Variants in SOS2 observed in about 807,000 individuals in gnomAD.
SOS2 encodes son of sevenless homolog 2.
A neutral mutation model predicts 148.2 loss-of-function variants in SOS2; 65 were observed. The ratio of observed to expected loss-of-function variants is 0.44; its 90% CI spans 0.36 to 0.54. The LOEUF is 0.54. Ranked by LOEUF, SOS2 falls within the 20% of genes least tolerant of loss-of-function variation. The probability of loss-of-function intolerance (pLI) is 0.00; values close to 1 mark genes in which losing one functional copy is unlikely to be tolerated. For missense variants in SOS2, 1,341 were observed against 1,590.2 expected, an observed-to-expected ratio of 0.84 and a Z score of 2.67; for synonymous variants, 539 against 537.1, an observed-to-expected ratio of 1.00 and a Z score of -0.05.
At chr14:50,195,590 C>T (rs1463228002) in intron 4 of SOS2, among the ~76,000 whole-genome samples, 1 of 152,096 alleles carries the variant, frequency 6.6e-6, no homozygotes, top group Non-Finnish European at 1.5e-5. Context: ...AGCAAGACCC[C>T]ATTCCTACAA....
Position 50,174,486 on chromosome 14 carries a change from A to G in SOS2, c.1036T>C (p.Tyr346His), listed in dbSNP as rs898413327. Residue 346 changes from tyrosine to histidine, a missense_variant, in exon 8 of 23, where the codon TAT becomes CAT. Coordinates refer to ENST00000216373, the MANE Select transcript of SOS2 (RefSeq NM_006939.4). Reference sequence around the variant, plus strand: ...AACTCAAAGTAGTGCCAACAGTGATACACTGGCACCAGCATAAGACGTGGA... The same window carrying G: ...AACTCAAAGTAGTGCCAACAGTGATGCACTGGCACCAGCATAAGACGTGGA... ...VLPRLMLVPV[Y>H]HCWHYFELLK... 4 of 1,609,420 alleles carry G rather than the reference A, an allele frequency of 2.5e-6. No individual in the cohort carries two copies. Among genetic ancestry groups the G allele is most frequent in the Admixed American group, 3.3e-5 (2 of 59,870 alleles).
intron 16 of SOS2, among the ~76,000 whole-genome samples, chr14:50,140,340 G>A (rs577460521): frequency 6.6e-6 from 1 of 152,284 alleles, no homozygotes; most frequent in East Asian, 1.9e-4. Flanking sequence ...AGGGTTTCAA[G>A]TCATAGCTGT....
At chr14:50,143,480 C>T (rs1884364191) in intron 16 of SOS2, among the ~76,000 whole-genome samples, 1 of 152,120 alleles carries the variant, frequency 6.6e-6, no homozygotes, top group Non-Finnish European at 1.5e-5. Context: ...CTCTGTTGCC[C>T]AGGCTAGAGT....
At chr14:50,186,969 T>C (rs768472383) in intron 5 of SOS2, among the ~76,000 whole-genome samples, 1 of 152,224 alleles carries the variant, frequency 6.6e-6, no homozygotes. Context: ...GATGTAGTTA[T>C]TTTGTGGAGG....
chr14:50,156,901 TTTGTG>T, intron 12 of SOS2, 93 bp downstream of exon 12: 1 of 643,510 alleles, frequency 1.6e-6, no homozygotes, highest in Non-Finnish European at 2.4e-6. Context: ...GCTGAGAGCT[TTTGTG>T]TTAACTATAT....
upstream of SOS2, among the ~76,000 whole-genome samples, chr14:50,231,799 G>C (rs889443637): frequency 6.6e-6 from 1 of 152,154 alleles, no homozygotes; most frequent in African/African-American, 2.4e-5. Flanking sequence ...GGACCGACCC[G>C]GAGTGCGCGT....
At chr14:50,205,060 G>T (rs907703761) in intron 1 of SOS2, among the ~76,000 whole-genome samples, 1 of 151,808 alleles carries the variant, frequency 6.6e-6, no homozygotes, top group Admixed American at 6.6e-5. Flanking sequence ...TTTGTTGAAA[G>T]AAATTTAAAA....
chr14:50,174,765 T>G (rs1397353900), intron 7 of SOS2, among the ~76,000 whole-genome samples: 1 of 152,242 alleles, frequency 6.6e-6, no homozygotes, highest in Admixed American at 6.5e-5. Flanking sequence ...ACATTAATTT[T>G]CTTTTATGTG....
intron 19 of SOS2, among the ~76,000 whole-genome samples, chr14:50,132,741 T>G (rs1044422501): frequency 1.3e-5 from 2 of 152,104 alleles, no homozygotes; most frequent in Admixed American, 6.6e-5. Context: ...TTGTTGAGTT[T>G]GTAGAGGGTC....
intron 1 of SOS2, among the ~76,000 whole-genome samples, chr14:50,217,201 C>T: frequency 6.6e-6 from 1 of 152,010 alleles, no homozygotes; most frequent in African/African-American, 2.4e-5. Flanking sequence ...AGACCTTTAG[C>T]AAAGGAAAAG....
chr14:50,210,142 G>C (rs1033329809), intron 1 of SOS2, among the ~76,000 whole-genome samples: 13 of 152,122 alleles, frequency 8.5e-5, no homozygotes, highest in African/African-American at 3.1e-4. Context: ...ATGGTTGTCA[G>C]GATTTATTAC....
At chr14:50,162,810 G>A (rs1230916561) in intron 8 of SOS2, among the ~76,000 whole-genome samples, 3 of 151,574 alleles carry the variant, frequency 2.0e-5, no homozygotes, top group South Asian at 2.1e-4. Flanking sequence ...GCCCCAAAAT[G>A]TTCTCTTGTA....
chr14:50,165,463 G>C (rs147035298), intron 8 of SOS2, among the ~76,000 whole-genome samples: 67 of 152,070 alleles, frequency 4.4e-4, no homozygotes, highest in Non-Finnish European at 7.4e-4. Flanking sequence ...AAACCATTAT[G>C]TATTTTTTTT....
chr14:50,133,244 TTTTTC>T lies in SOS2; in HGVS notation c.3075+874_3075+878del, dbSNP rs1202943638. ...TCCATGAACTTTTTTTCTTTTTTCT[TTTTTC>T]TTTTTTTTTTTTTTTGAGACGGGGT... On this transcript the variant is annotated intron_variant, in intron 19 of 22. Transcript: ENST00000216373. 9.7e-4 allele frequency among the ~76,000 whole-genome samples: 127 copies of T among 130,802 alleles called. 2 individuals carry two copies. The highest frequency in any genetic ancestry group is 3.7e-3 in the East Asian group (17 of 4,550). 85.8% of individuals were successfully genotyped at this position (130,802 alleles called of 152,430 possible). A position where few individuals can be genotyped will look rare whatever the true frequency, so the allele number is the denominator to read the frequency against.
chr14:50,119,472 A>G (rs1883423956), intron 22 of SOS2, among the ~76,000 whole-genome samples: 1 of 152,212 alleles, frequency 6.6e-6, no homozygotes, highest in African/African-American at 2.4e-5. Context: ...ATACTACTGA[A>G]GTTTTTTTCC....
chr14:50,148,886 A>G (rs546139584), intron 14 of SOS2, among the ~76,000 whole-genome samples: 390 of 152,246 alleles, frequency 2.6e-3, no homozygotes, highest in Non-Finnish European at 4.2e-3. Context: ...GCTAATCAGG[A>G]TAACTCCATG....
chr14:50,172,910 C>G (rs1021416617), intron 8 of SOS2, among the ~76,000 whole-genome samples: 2 of 152,212 alleles, frequency 1.3e-5, no homozygotes, highest in African/African-American at 4.8e-5. Context: ...TTTTCACTGA[C>G]TCTAGCTAAC....
At chr14:50,140,295 T>C (rs1439322853) in intron 16 of SOS2, among the ~76,000 whole-genome samples, 2 of 152,176 alleles carry the variant, frequency 1.3e-5, no homozygotes, top group Non-Finnish European at 2.9e-5. Flanking sequence ...TACAAAAAAT[T>C]CTACGTCATG....
chr14:50,171,085 G>A (rs1200598025), intron 8 of SOS2, among the ~76,000 whole-genome samples: 1 of 150,500 alleles, frequency 6.6e-6, no homozygotes, highest in African/African-American at 2.4e-5. Flanking sequence ...TTGCACTCCA[G>A]CCAGGGCAAC....
Sources: gnomAD v4.1 joint callset for allele counts (sites outside exome capture counted in the v4.1 genomes callset) on GRCh38, gnomAD v4.1.1 for gene constraint, MANE v1.5 for transcripts, NCBI Gene and HGNC (gene_info 2026-07-23, HGNC 2026-07-21) for gene names.